Variants in ZNF385D observed in about 807,000 individuals in gnomAD.
ZNF385D encodes the protein zinc finger protein 385D, also known as zinc finger protein 659.
Under a neutral mutation model 35.8 loss-of-function variants are expected in ZNF385D, and 15 were observed. The observed-to-expected ratio is 0.42, with a 90% CI of 0.28 to 0.64. ZNF385D has a LOEUF of 0.64. Ranked by LOEUF, ZNF385D falls within the 30% of genes least tolerant of loss-of-function variation. The pLI, the probability that ZNF385D is intolerant of heterozygous loss-of-function variation, is 0.23. For synonymous variants in ZNF385D, 212 were observed against 186.8 expected (o/e 1.13, Z -1.10); for missense variants, 474 against 494.6 (o/e 0.96, Z 0.39).
At chr3:22,304,890 G>C (rs1173081748) in intron 2 of ZNF385D, among the ~76,000 whole-genome samples, 1 of 152,004 alleles carries the variant, frequency 6.6e-6, no homozygotes, top group Non-Finnish European at 1.5e-5. Context: ...TTTCATTATA[G>C]TGAAATCATT....
chr3:22,033,236 T>C (rs190658421), intron 3 of ZNF385D, among the ~76,000 whole-genome samples: 192 of 151,812 alleles, frequency 1.3e-3, no homozygotes, highest in African/African-American at 4.4e-3. Flanking sequence ...ACCCTGTCTC[T>C]ACTAAAAATA....
intron 2 of ZNF385D, among the ~76,000 whole-genome samples, chr3:22,367,574 C>A (rs1416582672): frequency 6.8e-6 from 1 of 146,022 alleles, no homozygotes; most frequent in Non-Finnish European, 1.5e-5. Context: ...TTGTACTTAA[C>A]TAAATACAAT....
intron 3 of ZNF385D, among the ~76,000 whole-genome samples, chr3:21,763,040 T>C (rs993174267): frequency 1.3e-5 from 2 of 152,134 alleles, no homozygotes; most frequent in Admixed American, 6.5e-5. Context: ...CTTGGTAGGA[T>C]AAAATTAAGT....
intron 3 of ZNF385D, among the ~76,000 whole-genome samples, chr3:22,140,634 A>C (rs1488285473): frequency 1.3e-5 from 2 of 152,240 alleles, no homozygotes; most frequent in Admixed American, 1.3e-4. Flanking sequence ...TATAAGGTTA[A>C]CATTACCTTT....
chr3:21,797,725 T>C (rs886515249), intron 3 of ZNF385D, among the ~76,000 whole-genome samples: 3 of 152,182 alleles, frequency 2.0e-5, no homozygotes, highest in African/African-American at 7.2e-5. Context: ...AAATCCATAT[T>C]ATCAAGTGAA....
intron 2 of ZNF385D, among the ~76,000 whole-genome samples, chr3:21,591,370 T>C (rs982278514): frequency 6.6e-6 from 1 of 152,126 alleles, no homozygotes; most frequent in African/African-American, 2.4e-5. Flanking sequence ...CTCTATCACT[T>C]AAATACCTCT....
In ZNF385D at chr3:21,418,397, A is replaced by T. The variant is rs1438381968; in HGVS notation, c.*2817T>A. 3 of 152,176 alleles carry T rather than the reference A, an allele frequency of 2.0e-5. No homozygotes were observed. Among genetic ancestry groups the T allele is most frequent in the Non-Finnish European group, 4.4e-5 (3 of 68,012 alleles). 9.4% of individuals were successfully genotyped at this position (152,176 alleles called of 1,614,324 possible). A position where few individuals can be genotyped will look rare whatever the true frequency, so the allele number is the denominator to read the frequency against. ...GGTAAATATATGGAGTGTGGGGGAA[A>T]CAACTCACAGAGAATCCACTGTAAG... On this transcript the variant is annotated 3_prime_UTR_variant, in exon 8 of 8. Coordinates refer to ENST00000281523, the MANE Select transcript of ZNF385D (RefSeq NM_024697.3).
At chr3:22,258,488 G>A (rs1014818761) in intron 2 of ZNF385D, among the ~76,000 whole-genome samples, 5 of 151,642 alleles carry the variant, frequency 3.3e-5, no homozygotes, top group African/African-American at 1.2e-4. Flanking sequence ...TTGGGTTTTA[G>A]AACCAAATCA....
chr3:21,617,382 C>T (rs1055744596), intron 2 of ZNF385D, among the ~76,000 whole-genome samples: 1 of 152,086 alleles, frequency 6.6e-6, no homozygotes, highest in Admixed American at 6.6e-5. Context: ...GCTATGTGAC[C>T]TTGAGGGAAT....
At chr3:21,644,766 C>T (rs1375955149) in intron 2 of ZNF385D, among the ~76,000 whole-genome samples, 1 of 152,116 alleles carries the variant, frequency 6.6e-6, no homozygotes, top group East Asian at 1.9e-4. Context: ...TATGTACCTC[C>T]TGGATTAAAA....
chr3:21,453,675 A>C (rs1249609627), intron 4 of ZNF385D, among the ~76,000 whole-genome samples: 2 of 152,164 alleles, frequency 1.3e-5, no homozygotes, highest in East Asian at 3.9e-4. Context: ...GATGGCTATA[A>C]TAATAAAAAA....
intron 4 of ZNF385D, among the ~76,000 whole-genome samples, chr3:21,464,420 C>T (rs1467796744): frequency 6.6e-6 from 1 of 152,056 alleles, no homozygotes; most frequent in African/African-American, 2.4e-5. Flanking sequence ...TATTTCTCTG[C>T]TTTCTCAATC....
At chr3:21,896,235 T>C (rs889558005) in intron 3 of ZNF385D, among the ~76,000 whole-genome samples, 1 of 152,152 alleles carries the variant, frequency 6.6e-6, no homozygotes, top group African/African-American at 2.4e-5. Context: ...ACAGTTTACA[T>C]GATAAACATG....
chr3:22,358,914 A>C (rs1696278971), intron 2 of ZNF385D, among the ~76,000 whole-genome samples: 1 of 151,682 alleles, frequency 6.6e-6, no homozygotes, highest in South Asian at 2.1e-4. Context: ...CATCTGTATG[A>C]CTTAGTGTCT....
chr3:21,500,776 G>C (rs1490363536), intron 4 of ZNF385D, among the ~76,000 whole-genome samples: 3 of 152,184 alleles, frequency 2.0e-5, no homozygotes, highest in Non-Finnish European at 4.4e-5. Flanking sequence ...GAGTTACTAA[G>C]AAATTATTTT....
intron 3 of ZNF385D, among the ~76,000 whole-genome samples, chr3:22,116,057 A>C (rs1003553948): frequency 3.9e-5 from 6 of 152,062 alleles, no homozygotes; most frequent in Non-Finnish European, 2.9e-5. Context: ...TTCATATAAA[A>C]AGTTCAAGCT....
intron 3 of ZNF385D, among the ~76,000 whole-genome samples, chr3:22,167,733 A>G (rs1183801152): frequency 1.3e-5 from 2 of 152,210 alleles, no homozygotes; most frequent in African/African-American, 4.8e-5. Flanking sequence ...CTGTGTCACT[A>G]GGTTTATCTT....
chr3:21,522,616 A>C (rs1171910115), intron 3 of ZNF385D, among the ~76,000 whole-genome samples: 1 of 152,054 alleles, frequency 6.6e-6, no homozygotes, highest in Admixed American at 6.6e-5. Flanking sequence ...AGGATTACAG[A>C]TGTGAGCCAC....
chr3:21,645,229 C>A (rs2065716340), intron 2 of ZNF385D, among the ~76,000 whole-genome samples: 1 of 152,164 alleles, frequency 6.6e-6, no homozygotes, highest in Admixed American at 6.5e-5. Flanking sequence ...AATCAGTTAA[C>A]AGTTGTTGAA....
Sources: allele counts gnomAD v4.1 joint callset (sites outside exome capture counted in the v4.1 genomes callset), GRCh38; gene constraint gnomAD v4.1.1; transcripts MANE v1.5; gene names NCBI Gene and HGNC (gene_info 2026-07-23, HGNC 2026-07-21).